Variants in RREB1 observed in about 807,000 individuals in gnomAD.
The protein encoded by RREB1 is ras responsive element binding protein 1, also known as ras-responsive element-binding protein 1.
In RREB1, 27 loss-of-function variants were observed where a neutral mutation model predicts 117.8. The ratio of observed to expected loss-of-function variants is 0.23; its 90% CI spans 0.17 to 0.32. The LOEUF is 0.32. RREB1 is among the 10% of genes least tolerant of loss of function. The pLI, the probability that RREB1 is intolerant of heterozygous loss-of-function variation, is 1.00. For missense variants in RREB1, 2,577 were observed against 2,378.2 expected (o/e 1.08, Z -1.74); for synonymous variants, 1,298 against 1,026.7 (o/e 1.26, Z -5.05).
chr6:7,160,349 G>A (rs1440245280), intron 1 of RREB1, among the ~76,000 whole-genome samples: 5 of 152,010 alleles, frequency 3.3e-5, no homozygotes, highest in Admixed American at 6.6e-5. Flanking sequence ...AAAAAATAGT[G>A]ACATCAAATT....
intron 10 of RREB1, among the ~76,000 whole-genome samples, chr6:7,237,348 A>C (rs368110850): frequency 6.6e-6 from 1 of 151,762 alleles, no homozygotes; most frequent in Non-Finnish European, 1.5e-5. Context: ...CGACCTCCCA[A>C]AGTGCTAGGA....
chr6:7,167,933 A>G (rs1430828208), intron 1 of RREB1, among the ~76,000 whole-genome samples: 2 of 152,094 alleles, frequency 1.3e-5, no homozygotes, highest in Admixed American at 1.3e-4. Flanking sequence ...GGCTCCATTG[A>G]TGGCAAGCTG....
intron 1 of RREB1, among the ~76,000 whole-genome samples, chr6:7,174,175 CATT>C (rs1435315214): frequency 8.0e-6 from 1 of 125,724 alleles, no homozygotes; most frequent in Non-Finnish European, 1.6e-5. Flanking sequence ...TTTTCTGAAG[CATT>C]GTTGATGGAG....
intron 6 of RREB1, among the ~76,000 whole-genome samples, chr6:7,196,259 G>A (rs1168172627): frequency 1.5e-5 from 2 of 134,002 alleles, no homozygotes; most frequent in African/African-American, 5.7e-5. Flanking sequence ...TGAAACACTC[G>A]GCCTCACAAC....
At chr6:7,188,600 T>G (rs182368732) in intron 5 of RREB1, among the ~76,000 whole-genome samples, 15 of 152,070 alleles carry the variant, frequency 9.9e-5, no homozygotes, top group Non-Finnish European at 1.3e-4. Flanking sequence ...TGTAGAACAG[T>G]GAAGGATTGA....
chr6:7,152,322 T>G (rs1763162741), intron 1 of RREB1, among the ~76,000 whole-genome samples: 1 of 152,216 alleles, frequency 6.6e-6, no homozygotes, highest in Non-Finnish European at 1.5e-5. Context: ...AAGTGGTGTA[T>G]TACATGATTT....
chr6:7,173,562 T>A (rs535149095), intron 1 of RREB1, among the ~76,000 whole-genome samples: 1 of 151,358 alleles, frequency 6.6e-6, no homozygotes, highest in Non-Finnish European at 1.5e-5. Context: ...TTTGGGAGGC[T>A]GAGGCGGGTA....
At chr6:7,158,887 G>A (rs1285526573) in intron 1 of RREB1, among the ~76,000 whole-genome samples, 2 of 151,496 alleles carry the variant, frequency 1.3e-5, no homozygotes, top group Non-Finnish European at 2.9e-5. Flanking sequence ...AACCTTGATA[G>A]CTTAAAGGCC....
At chr6:7,170,817 A>C (rs1764169705) in intron 1 of RREB1, among the ~76,000 whole-genome samples, 1 of 152,144 alleles carries the variant, frequency 6.6e-6, no homozygotes, top group Non-Finnish European at 1.5e-5. Context: ...GCTTCTCCCA[A>C]ATCCTCACTA....
intron 1 of RREB1, among the ~76,000 whole-genome samples, chr6:7,127,057 A>G (rs985943033): frequency 3.9e-5 from 6 of 152,208 alleles, no homozygotes; most frequent in Admixed American, 3.9e-4. Context: ...CTGGAGTATG[A>G]AAATATGAGG....
rs376187269 is a variant in RREB1, at chr6:7,229,609, A to G, written c.1510A>G (p.Met504Val). ...CCCACTGCAGGCGATCTTCAAGCACATGCCCCCTCTGAAGCCAAAGCCCCT... is the reference window on the plus strand; with the variant it reads ...CCCACTGCAGGCGATCTTCAAGCACGTGCCCCCTCTGAAGCCAAAGCCCCT... ...AAPLQAIFKH[M>V]PPLKPKPLVT... The change falls in exon 10 of 13, where the codon ATG becomes GTG. Residue 504 changes from methionine (M) to valine (V), a missense_variant. Transcript: ENST00000379938. The surrounding 1 kb of genome is among the most constrained non-coding windows in gnomAD (Gnocchi z 4.5). The G allele has an allele frequency of 1.2e-6, 2 of 1,612,546 alleles. No homozygotes were observed. Among genetic ancestry groups the G allele is most frequent in the Non-Finnish European group, 8.5e-7 (1 of 1,179,224 alleles).
intron 4 of RREB1, 53 bp from the exon 5 acceptor site, chr6:7,187,381 C>A: frequency 8.9e-7 from 1 of 1,120,960 alleles, no homozygotes; most frequent in Non-Finnish European, 1.3e-6. Context: ...AAAGAAAAGG[C>A]ACTTGTTGAC....
intron 9 of RREB1, among the ~76,000 whole-genome samples, chr6:7,227,430 A>C (rs563620399): frequency 6.6e-6 from 1 of 151,678 alleles, no homozygotes; most frequent in African/African-American, 2.4e-5. Flanking sequence ...AATCCCAGCT[A>C]CTCGGGAGGC....
At chr6:7,129,489 A>G (rs1200809832) in intron 1 of RREB1, among the ~76,000 whole-genome samples, 1 of 152,194 alleles carries the variant, frequency 6.6e-6, no homozygotes, top group Non-Finnish European at 1.5e-5. Flanking sequence ...GCCGTGGCTC[A>G]CTTCACTGTT....
chr6:7,181,827 C>G, intron 3 of RREB1, 43 bp from the exon 4 acceptor site: 1 of 1,434,968 alleles, frequency 7.0e-7, no homozygotes, highest in South Asian at 1.1e-5. Context: ...ATGACAGAAG[C>G]CTAAACTTCC....
chr6:7,177,218 C>CAAAA (rs552706086), intron 2 of RREB1, among the ~76,000 whole-genome samples: 68 of 34,564 alleles, frequency 2.0e-3, no homozygotes, highest in Middle Eastern at 0.014. Context: ...GACTGTCTCA[C>CAAAA]AAAAAAAAAA....
rs1177306304 is a variant in RREB1, at chr6:7,246,729, T to C, written c.4279T>C (p.Phe1427Leu). The change falls in exon 12 of 13, where the codon TTC becomes CTC. Residue 1427 changes from phenylalanine to leucine, a missense_variant. Transcript: ENST00000379938. Reference sequence around the variant, plus strand: ...GGACTTCGCCACCAAGCTCATGGACTTCAAGCTGGCGGAGGGCGACGGCGA... The same window carrying C: ...GGACTTCGCCACCAAGCTCATGGACCTCAAGCTGGCGGAGGGCGACGGCGA... ...DLDFATKLMDFKLAEGDGEAG... is the reference protein window; with the variant it reads ...DLDFATKLMDLKLAEGDGEAG... The C allele has an allele frequency of 6.3e-7, 1 of 1,581,312 alleles. No individual in the cohort carries two copies. Among genetic ancestry groups the C allele is most frequent in the South Asian group, 1.2e-5 (1 of 86,726 alleles).
chr6:7,195,987 C>T (rs1765645506), intron 6 of RREB1, among the ~76,000 whole-genome samples: 1 of 152,206 alleles, frequency 6.6e-6, no homozygotes, highest in African/African-American at 2.4e-5. Flanking sequence ...CTTGATTCCA[C>T]AAGGCTGGTC....
chr6:7,160,633 C>T (rs1417084024), intron 1 of RREB1, among the ~76,000 whole-genome samples: 1 of 152,110 alleles, frequency 6.6e-6, no homozygotes, highest in East Asian at 1.9e-4. Context: ...GTTCAGCTTC[C>T]TGAGTAGCTG....
Sources: allele counts gnomAD v4.1 joint callset (sites outside exome capture counted in the v4.1 genomes callset), GRCh38; gene constraint gnomAD v4.1.1; non-coding constraint Gnocchi (gnomAD v3.1); transcripts MANE v1.5; gene names NCBI Gene and HGNC (gene_info 2026-07-23, HGNC 2026-07-21).